CREBBP: variants seen among roughly 807,000 people sequenced by gnomAD.
CREBBP encodes CREB-binding protein.
Under a neutral mutation model 265.0 loss-of-function variants are expected in CREBBP, and 19 were observed. That is an observed-to-expected ratio of 0.07 (90% confidence interval 0.05 to 0.11). The LOEUF is 0.11. CREBBP is among the 10% of genes least tolerant of loss of function. CREBBP has a pLI of 1.00. For synonymous variants in CREBBP, 1,457 were observed against 1,223.7 expected (o/e 1.19, Z -3.98); for missense variants, 2,525 against 3,219.0 (o/e 0.78, Z 5.22).
At chr16:3,734,099 G>A (rs1200210441) in intron 28 of CREBBP, among the ~76,000 whole-genome samples, 3 of 152,150 alleles carry the variant, frequency 2.0e-5, no homozygotes, top group South Asian at 2.1e-4. Flanking sequence ...CCGTGTTTGC[G>A]ACATTCCTCA....
At chr16:3,804,724 G>A (rs1225188405) in intron 3 of CREBBP, among the ~76,000 whole-genome samples, 5 of 152,228 alleles carry the variant, frequency 3.3e-5, no homozygotes, top group African/African-American at 4.8e-5. Context: ...GGCAGAGGCT[G>A]CAATGCTGGC....
At chr16:3,773,639 A>C in intron 13 of CREBBP, 112 bp downstream of exon 13, 1 of 1,133,722 alleles carries the variant, frequency 8.8e-7, no homozygotes. Flanking sequence ...AAAGACATGA[A>C]ATGTGCATTC....
chr16:3,817,348 G>A (rs974446508), intron 2 of CREBBP, among the ~76,000 whole-genome samples: 6 of 152,056 alleles, frequency 3.9e-5, no homozygotes, highest in African/African-American at 1.5e-4. Context: ...TCAGTGTGTG[G>A]GACAAATACT....
rs75689474 is a variant in CREBBP at position 3,823,178 on chromosome 16, T to C, written c.799-12399A>G. Among the ~76,000 whole-genome samples, 497 of 152,322 alleles carry C rather than the reference T, an allele frequency of 3.3e-3. 2 individuals are homozygous for C. The highest frequency in any genetic ancestry group is 0.011 in the African/African-American group (463 of 41,568). ...TGTTCTTTCTTAATACTTTCTATTATGACTCATATTCTCTATACAAAGCAT... is the reference window on the plus strand; with the variant it reads ...TGTTCTTTCTTAATACTTTCTATTACGACTCATATTCTCTATACAAAGCAT... On this transcript the variant is annotated intron_variant, in intron 2 of 30. Coordinates refer to ENST00000262367, the MANE Select transcript of CREBBP (RefSeq NM_004380.3).
intron 3 of CREBBP, among the ~76,000 whole-genome samples, chr16:3,804,767 C>CA (rs1344025224): frequency 1.3e-5 from 2 of 152,100 alleles, no homozygotes; most frequent in Non-Finnish European, 2.9e-5. Flanking sequence ...CTTGTGTAGA[C>CA]AAAAAACAAA....
chr16:3,849,412 T>TGTGTGTGTGTGTGTGTGTGTG (rs2054740232), intron 2 of CREBBP, among the ~76,000 whole-genome samples: 1 of 5,572 alleles, frequency 1.8e-4, no homozygotes, highest in African/African-American at 2.1e-4. Flanking sequence ...TGTGTGTGTG[T>TGTGTGTGTGTGTGTGTGTGTG]GTGTGTGTGT....
At position 3,726,242 on chromosome 16, in the gene CREBBP, G is replaced by GC. The variant is rs960332016; in HGVS notation, c.*1475_*1476insG. 4.3e-6 allele frequency: 1 copy of GC among 232,194 alleles called. No homozygotes were observed. Among genetic ancestry groups the GC allele is most frequent in the Non-Finnish European group, 8.5e-6 (1 of 117,946 alleles). 14.4% of individuals were successfully genotyped at this position (232,194 alleles called of 1,614,324 possible). A position where few individuals can be genotyped will look rare whatever the true frequency, so the allele number is the denominator to read the frequency against. On this transcript the variant is annotated 3_prime_UTR_variant, in exon 31 of 31. Transcript: ENST00000262367. ...CTCAGATTCTGGGAGTCGTGTACGG[G>GC]GGGGGGGAGCCGCCTGAACACGGGA...
intron 2 of CREBBP, among the ~76,000 whole-genome samples, chr16:3,813,386 G>C (rs1358082763): frequency 6.6e-6 from 1 of 152,138 alleles, no homozygotes; most frequent in African/African-American, 2.4e-5. Flanking sequence ...TAAATATTAA[G>C]CACATTTCTG....
chr16:3,732,933 C>T (rs1180872530), intron 28 of CREBBP, among the ~76,000 whole-genome samples: 6 of 152,036 alleles, frequency 3.9e-5, no homozygotes, highest in South Asian at 2.1e-4. Context: ...CTCCGGACCT[C>T]GGGTGATCCG....
intron 2 of CREBBP, among the ~76,000 whole-genome samples, chr16:3,845,878 C>A (rs1013878943): frequency 6.4e-5 from 6 of 93,480 alleles, no homozygotes; most frequent in African/African-American, 2.1e-4. Flanking sequence ...CAAACTGAGA[C>A]CCTATCTCAA....
intron 5 of CREBBP, chr16:3,784,511 T>G (rs2141257764): frequency 6.6e-6 from 1 of 152,334 alleles, no homozygotes; most frequent in Non-Finnish European, 1.5e-5. Flanking sequence ...ACCATACTTC[T>G]GAAACCGACA....
At chr16:3,747,885 C>G (rs112748617) in intron 21 of CREBBP, among the ~76,000 whole-genome samples, 1 of 152,024 alleles carries the variant, frequency 6.6e-6, no homozygotes, top group African/African-American at 2.4e-5. Flanking sequence ...GTCAGGAGAT[C>G]GAGACCATCC....
chr16:3,823,957 AACACACAC>A (rs57902688), intron 2 of CREBBP, among the ~76,000 whole-genome samples: 2,058 of 148,062 alleles, frequency 0.014, 23 homozygotes, highest in African/African-American at 0.026. Flanking sequence ...AGGCTGTGGC[AACACACAC>A]ACACACACAC....
intron 3 of CREBBP, among the ~76,000 whole-genome samples, chr16:3,795,115 C>G (rs543742892): frequency 5.6e-4 from 85 of 152,286 alleles, no homozygotes; most frequent in African/African-American, 2.0e-3. Flanking sequence ...GGGAGCAAAA[C>G]TCTTGGAAGT....
In CREBBP at chr16:3,771,001, C is replaced by T. The variant is rs2052993606; in HGVS notation, c.2464-15G>A. 6.2e-7 allele frequency: 1 copy of T among 1,612,204 alleles called. No individual in the cohort carries two copies. Among genetic ancestry groups the T allele is most frequent in the Non-Finnish European group, 8.5e-7 (1 of 1,179,524 alleles). On this transcript the variant is annotated splice_polypyrimidine_tract_variant and intron_variant, in intron 13 of 30. Coordinates refer to ENST00000262367, the MANE Select transcript of CREBBP (RefSeq NM_004380.3). ...GGCACCTGTCCCTACCAGAAATGGA[C>T]AGAGTATGGTAAAATTATTTCCCCC...
At position 3,769,034 on chromosome 16, in the gene CREBBP, C is replaced by T. The variant is rs2052932565; in HGVS notation, c.3060+140G>A. 3.3e-6 allele frequency: 3 copies of T among 905,524 alleles called. No individual in the cohort carries two copies. In the South Asian group the frequency reaches 4.2e-5, roughly 13 times the overall value. The allele number at this position is 905,524 out of a possible 1,614,324, so 56.1% of individuals were successfully genotyped here. A position where few individuals can be genotyped will look rare whatever the true frequency, so the allele number is the denominator to read the frequency against. On this transcript the variant is annotated intron_variant, in intron 15 of 30. Coordinates refer to ENST00000262367, the MANE Select transcript of CREBBP (RefSeq NM_004380.3). The stretch of plus-strand genomic sequence containing the variant: ...AGCTGTTTTCAATCAATTTCCTATA[C>T]ACCAAACCCCGAACCCACATTCAAA...
chr16:3,794,517 T>A (rs531690413), intron 3 of CREBBP, among the ~76,000 whole-genome samples: 1 of 152,308 alleles, frequency 6.6e-6, no homozygotes, highest in Non-Finnish European at 1.5e-5. Flanking sequence ...CCTAAAAGAA[T>A]AATGACAGTT....
intron 16 of CREBBP, among the ~76,000 whole-genome samples, chr16:3,760,121 G>A (rs561339048): frequency 2.6e-5 from 4 of 152,168 alleles, no homozygotes; most frequent in South Asian, 2.1e-4. Flanking sequence ...AGACAAGGTC[G>A]CACTCTGTTG....
At chr16:3,797,796 G>C (rs928182509) in intron 3 of CREBBP, among the ~76,000 whole-genome samples, 2 of 151,568 alleles carry the variant, frequency 1.3e-5, no homozygotes, top group African/African-American at 4.8e-5. Context: ...AAATTCACAT[G>C]AACTAAAGTG....
Sources: allele counts gnomAD v4.1 joint callset (sites outside exome capture counted in the v4.1 genomes callset), GRCh38; gene constraint gnomAD v4.1.1; transcripts MANE v1.5; gene names NCBI Gene and HGNC (gene_info 2026-07-23, HGNC 2026-07-21).